WWOX: variants seen among roughly 807,000 people sequenced by gnomAD.
WWOX encodes the protein WW domain-containing oxidoreductase.
WWOX carries 69 observed loss-of-function variants against 46.2 expected under a neutral mutation model. The observed-to-expected ratio is 1.49, with a 90% confidence interval of 1.23 to 1.82. The LOEUF (loss-of-function observed/expected upper bound fraction) is 1.82, where lower values mean the gene tolerates loss of function less well. Ranked by LOEUF, WWOX falls within the 40% of genes most tolerant of loss-of-function variation. The pLI is 0.00. For synonymous variants in WWOX, 359 were observed against 202.6 expected (o/e 1.77, Z -6.56); for missense variants, 919 against 542.6 (o/e 1.69, Z -6.89).
Position 79,027,635 on chromosome 16 carries a change from C to T in WWOX, c.1057-183973C>T, listed in dbSNP as rs575166890. ...ATCTCTTCCTTTCCTATCGTGAATTCGGTCATTGTTATAAGCCAAGCTTTG... is the reference window on the plus strand; with the variant it reads ...ATCTCTTCCTTTCCTATCGTGAATTTGGTCATTGTTATAAGCCAAGCTTTG... On this transcript the variant is annotated intron_variant, in intron 8 of 8. Coordinates refer to ENST00000566780, the MANE Select transcript of WWOX (RefSeq NM_016373.4). Among the ~76,000 whole-genome samples the T allele has an allele frequency of 1.7e-4, 26 of 151,946 alleles. 1 individual carries two copies. The South Asian group carries it at 2.7e-3, about 16-fold the overall frequency.
intron 8 of WWOX, among the ~76,000 whole-genome samples, chr16:78,927,679 A>C (rs1349454752): frequency 6.6e-6 from 1 of 152,200 alleles, no homozygotes; most frequent in Non-Finnish European, 1.5e-5. Context: ...TAATTATCAG[A>C]CTTAATCAAG....
intron 5 of WWOX, among the ~76,000 whole-genome samples, chr16:78,279,012 G>T (rs2079630337): frequency 1.3e-5 from 2 of 152,080 alleles, no homozygotes; most frequent in East Asian, 3.9e-4. Flanking sequence ...CTCGTTACTT[G>T]GGATAGTAAC....
chr16:78,998,699 C>T (rs78687668), intron 8 of WWOX, among the ~76,000 whole-genome samples: 5 of 152,188 alleles, frequency 3.3e-5, no homozygotes, highest in Admixed American at 1.3e-4. Context: ...AGGACTCTTT[C>T]ATTATCGTTA....
At chr16:78,392,666 C>G (rs147775372) in intron 6 of WWOX, among the ~76,000 whole-genome samples, 25 of 152,254 alleles carry the variant, frequency 1.6e-4, no homozygotes, top group African/African-American at 4.1e-4. Context: ...ACTCTTCTGT[C>G]TCCTGAGTTT....
At chr16:79,050,487 G>T (rs577989243) in intron 8 of WWOX, among the ~76,000 whole-genome samples, 1 of 152,188 alleles carries the variant, frequency 6.6e-6, no homozygotes, top group African/African-American at 2.4e-5. Context: ...CCATTCCTCT[G>T]TCACACACTG....
chr16:78,836,575 C>T (rs182106323), intron 8 of WWOX, among the ~76,000 whole-genome samples: 4 of 152,302 alleles, frequency 2.6e-5, no homozygotes, highest in Admixed American at 6.5e-5. Flanking sequence ...GAGCATTCCT[C>T]AGTTCCTGCA....
intron 8 of WWOX, among the ~76,000 whole-genome samples, chr16:78,670,816 A>G (rs1445098026): frequency 6.6e-6 from 1 of 152,078 alleles, no homozygotes. Flanking sequence ...CTACCCAGAA[A>G]TAAGGTCTTT....
At chr16:78,306,455 T>A (rs1425308833) in intron 5 of WWOX, among the ~76,000 whole-genome samples, 1 of 152,194 alleles carries the variant, frequency 6.6e-6, no homozygotes, top group Admixed American at 6.5e-5. Context: ...CAGAGTTGTA[T>A]GAGAGTTCAT....
At chr16:79,118,863 T>A (rs1057089611) in intron 8 of WWOX, among the ~76,000 whole-genome samples, 1 of 152,264 alleles carries the variant, frequency 6.6e-6, no homozygotes, top group Non-Finnish European at 1.5e-5. Flanking sequence ...ACTGCAATTC[T>A]TAGTGGTTGT....
chr16:79,145,455 A>G (rs1189552839), intron 8 of WWOX, among the ~76,000 whole-genome samples: 2 of 152,056 alleles, frequency 1.3e-5, no homozygotes, highest in Admixed American at 6.6e-5. Flanking sequence ...TCCCATCTCA[A>G]CCTCCCAAAG....
At position 79,011,854 on chromosome 16, in the gene WWOX, A is replaced by G. The variant is rs2550729; in HGVS notation, c.1057-199754A>G. ...TGTGTTTTAGAAATGGGGTCTCACT[A>G]TGTTCTTCAGGCTAGTCTTGAACTC... On this transcript the variant is annotated intron_variant, in intron 8 of 8. Transcript: ENST00000566780. Among the ~76,000 whole-genome samples, 4 of 151,844 alleles carry G rather than the reference A, an allele frequency of 2.6e-5. No individual in the cohort carries two copies. The East Asian group carries it at 5.8e-4, about 22-fold the overall frequency.
intron 8 of WWOX, among the ~76,000 whole-genome samples, chr16:78,811,152 A>C (rs1298610931): frequency 6.6e-6 from 1 of 152,210 alleles, no homozygotes; most frequent in Non-Finnish European, 1.5e-5. Context: ...GGACTTTGGT[A>C]ATTCAGTATC....
chr16:78,994,669 G>A (rs768584857), intron 8 of WWOX, among the ~76,000 whole-genome samples: 3 of 152,094 alleles, frequency 2.0e-5, no homozygotes, highest in Admixed American at 6.5e-5. Flanking sequence ...GCCCAATCGC[G>A]TCACACTGTA....
chr16:78,456,577 A>G (rs2083821500), intron 8 of WWOX, among the ~76,000 whole-genome samples: 2 of 152,082 alleles, frequency 1.3e-5, no homozygotes, highest in Non-Finnish European at 1.5e-5. Context: ...AATTTGAAGT[A>G]TTTTTTTCTT....
chr16:78,668,321 C>G (rs73565284), intron 8 of WWOX, among the ~76,000 whole-genome samples: 1 of 152,090 alleles, frequency 6.6e-6, no homozygotes, highest in East Asian at 1.9e-4. Context: ...CTCTCATACC[C>G]CCACGCCTGT....
intron 8 of WWOX, among the ~76,000 whole-genome samples, chr16:78,705,343 A>C (rs1025591740): frequency 1.3e-5 from 2 of 152,224 alleles, no homozygotes; most frequent in Non-Finnish European, 1.5e-5. Context: ...TCTATATGAA[A>C]AACAACACAA....
intron 8 of WWOX, among the ~76,000 whole-genome samples, chr16:78,575,895 T>G (rs1037581749): frequency 6.6e-6 from 1 of 150,880 alleles, no homozygotes; most frequent in Admixed American, 6.6e-5. Context: ...AGGTTACATC[T>G]TTTTACCTCT....
At chr16:78,247,824 G>A (rs183322091) in intron 5 of WWOX, among the ~76,000 whole-genome samples, 1 of 152,128 alleles carries the variant, frequency 6.6e-6, no homozygotes, top group Admixed American at 6.5e-5. Context: ...ATTGATGGAG[G>A]TCTCATACTT....
rs574456368 is a variant in WWOX, at chr16:78,370,536, A to G, written c.517-16324A>G. On this transcript the variant is annotated intron_variant, in intron 5 of 8. Transcript: ENST00000566780. ...TTTTTATGTCATTTTAAATGTTTCT[A>G]TTCTTCTGTTCTGTTCTTAAAGTAT... is the stretch of plus-strand genomic sequence containing the variant. 6.6e-5 allele frequency among the ~76,000 whole-genome samples: 10 copies of G among 151,830 alleles called. No homozygotes were observed. In the East Asian group the frequency reaches 1.7e-3, roughly 27 times the overall value.
Sources: allele counts gnomAD v4.1 joint callset (sites outside exome capture counted in the v4.1 genomes callset), GRCh38; gene constraint gnomAD v4.1.1; transcripts MANE v1.5; gene names NCBI Gene and HGNC (gene_info 2026-07-23, HGNC 2026-07-21).